SLIT2: variants seen among roughly 807,000 people sequenced by gnomAD.
SLIT2 encodes the protein slit guidance ligand 2.
Under a neutral mutation model 185.7 loss-of-function variants are expected in SLIT2, and 41 were observed. That is an observed-to-expected ratio of 0.22 (90% CI 0.17 to 0.29). The LOEUF (loss-of-function observed/expected upper bound fraction) is 0.29. Among genes scored for constraint, SLIT2 ranks in the 10% least tolerant of loss-of-function variants. The probability of loss-of-function intolerance (pLI) is 1.00; values close to 1 mark genes in which losing one functional copy is unlikely to be tolerated. For missense variants in SLIT2, 1,571 were observed against 1,909.0 expected (o/e 0.82, Z 3.30); for synonymous variants, 693 against 680.2 (o/e 1.02, Z -0.29).
At chr4:20,578,174 G>T (rs932552189) in intron 29 of SLIT2, among the ~76,000 whole-genome samples, 12 of 152,100 alleles carry the variant, frequency 7.9e-5, no homozygotes, top group African/African-American at 2.9e-4. Context: ...TCAAATAAGT[G>T]CTATCTTTCC....
chr4:20,377,515 A>G lies in SLIT2; in HGVS notation c.396-90237A>G, dbSNP rs75822040. Reference sequence around the variant, plus strand: ...GTAGGGATCCATAGAAGACAAATAAAGAGCTGCTCATACTCCATTTCGAAT... The same window carrying G: ...GTAGGGATCCATAGAAGACAAATAAGGAGCTGCTCATACTCCATTTCGAAT... On this transcript the variant is annotated intron_variant, in intron 4 of 36. Coordinates refer to ENST00000504154, the MANE Select transcript of SLIT2 (RefSeq NM_004787.4). 9.3e-4 allele frequency among the ~76,000 whole-genome samples: 141 copies of G among 152,290 alleles called. 1 individual carries two copies. Among genetic ancestry groups the G allele is most frequent in the African/African-American group, 3.2e-3 (131 of 41,566 alleles).
At chr4:20,548,040 A>C (rs1723409484) in intron 22 of SLIT2, among the ~76,000 whole-genome samples, 2 of 152,082 alleles carry the variant, frequency 1.3e-5, no homozygotes, top group Admixed American at 1.3e-4. Flanking sequence ...TGTATCAATG[A>C]GGGTAAAGTA....
chr4:20,420,981 T>C (rs530854436), intron 4 of SLIT2, among the ~76,000 whole-genome samples: 31 of 152,286 alleles, frequency 2.0e-4, no homozygotes, highest in Non-Finnish European at 4.1e-4. Context: ...AATAAATTTC[T>C]GTTCTTAAAG....
At chr4:20,417,575 G>A in intron 4 of SLIT2, among the ~76,000 whole-genome samples, 1 of 151,434 alleles carries the variant, frequency 6.6e-6, no homozygotes, top group Admixed American at 6.6e-5. Context: ...AGGCTGGAGT[G>A]CAGTGGTGCG....
At chr4:20,449,349 A>T (rs1485400108) in intron 4 of SLIT2, among the ~76,000 whole-genome samples, 1 of 152,166 alleles carries the variant, frequency 6.6e-6, no homozygotes, top group South Asian at 2.1e-4. Context: ...GAGACAATGT[A>T]TTGGTTTTGT....
chr4:20,556,639 G>A (rs926908692), intron 26 of SLIT2, among the ~76,000 whole-genome samples: 1 of 151,770 alleles, frequency 6.6e-6, no homozygotes, highest in African/African-American at 2.4e-5. Context: ...ACTGAAATTA[G>A]GCCAGACATA....
At chr4:20,356,271 C>A (rs1385027843) in intron 4 of SLIT2, among the ~76,000 whole-genome samples, 2 of 152,118 alleles carry the variant, frequency 1.3e-5, no homozygotes, top group African/African-American at 4.8e-5. Flanking sequence ...CTGTATGTAA[C>A]CACCTTCTAC....
chr4:20,581,288 C>G (rs1182594583), intron 29 of SLIT2, among the ~76,000 whole-genome samples: 1 of 152,112 alleles, frequency 6.6e-6, no homozygotes, highest in Non-Finnish European at 1.5e-5. Flanking sequence ...TAACACAAGC[C>G]ATATTGGATT....
intron 4 of SLIT2, among the ~76,000 whole-genome samples, chr4:20,343,176 A>G (rs1721105065): frequency 6.6e-6 from 1 of 151,956 alleles, no homozygotes; most frequent in South Asian, 2.1e-4. Flanking sequence ...ATCTAATTGT[A>G]TGTTTGTACC....
At chr4:20,513,895 G>A (rs1443803620) in intron 11 of SLIT2, among the ~76,000 whole-genome samples, 3 of 152,186 alleles carry the variant, frequency 2.0e-5, no homozygotes, top group Non-Finnish European at 1.5e-5. Flanking sequence ...GAGTATGCTA[G>A]ATGTTTCAAG....
chr4:20,596,291 T>G, intron 31 of SLIT2, 124 bp from the exon 32 acceptor site: 2 of 921,372 alleles, frequency 2.2e-6, no homozygotes, highest in Non-Finnish European at 3.3e-6. Context: ...TTAAGAATAC[T>G]TGAAAACTGG....
At chr4:20,263,815 T>C (rs183448545) in intron 3 of SLIT2, among the ~76,000 whole-genome samples, 2 of 152,010 alleles carry the variant, frequency 1.3e-5, no homozygotes, top group Admixed American at 1.3e-4. Flanking sequence ...TAAATAACTA[T>C]TATTCTGCAT....
rs1724016333 is a variant in SLIT2 at position 20,553,983 on chromosome 4, C to T, written c.2725+15C>T. The T allele has an allele frequency of 6.4e-7, 1 of 1,560,348 alleles. No homozygotes were observed. The highest frequency in any genetic ancestry group is 8.6e-7 in the Non-Finnish European group (1 of 1,156,998). On this transcript the variant is annotated intron_variant, in intron 26 of 36. Coordinates refer to ENST00000504154, the MANE Select transcript of SLIT2 (RefSeq NM_004787.4). The stretch of plus-strand genomic sequence containing the variant: ...TACCTGTCAAGGTATGGTTTTTAAT[C>T]ATTTGTATTTCTTTTAAGAATTACT...
chr4:20,505,620 A>T (rs377368587), intron 9 of SLIT2, among the ~76,000 whole-genome samples: 2 of 152,154 alleles, frequency 1.3e-5, no homozygotes, highest in South Asian at 4.1e-4. Flanking sequence ...CTACTTATGT[A>T]AGATCTGCTC....
chr4:20,416,044 G>A (rs905508877), intron 4 of SLIT2, among the ~76,000 whole-genome samples: 1 of 152,030 alleles, frequency 6.6e-6, no homozygotes, highest in African/African-American at 2.4e-5. Context: ...TTTATTTCCT[G>A]TACTCTATAG....
chr4:20,598,471 T>G, intron 33 of SLIT2, 76 bp downstream of exon 33: 2 of 1,533,874 alleles, frequency 1.3e-6, no homozygotes, highest in Non-Finnish European at 1.8e-6. Flanking sequence ...ATCATTTTAT[T>G]ATGGAGAGGA....
intron 10 of SLIT2, 70 bp from the exon 11 acceptor site, chr4:20,510,996 C>CA: frequency 7.3e-6 from 7 of 955,314 alleles, no homozygotes; most frequent in Non-Finnish European, 1.2e-5. Context: ...AAAAGCCATA[C>CA]ATAGCTTTTT....
intron 4 of SLIT2, among the ~76,000 whole-genome samples, chr4:20,283,056 A>G (rs1714926556): frequency 6.6e-6 from 1 of 151,998 alleles, no homozygotes; most frequent in East Asian, 1.9e-4. Flanking sequence ...TTAACTTAGC[A>G]CCACTATTTG....
chr4:20,523,953 A>C lies in SLIT2; in HGVS notation c.1274+50A>C, dbSNP rs1284927585. The C allele has an allele frequency of 2.5e-6, 4 of 1,611,994 alleles. No individual in the cohort carries two copies. The African/African-American group carries it at 5.3e-5, about 22-fold the overall frequency. ...TTTTGATGACATTGTTTCCTCTCTG[A>C]ATGTAAGAGCTGAGTCCATTGCAAG... On this transcript the variant is annotated intron_variant, in intron 13 of 36. Transcript: ENST00000504154.
Sources: allele counts gnomAD v4.1 joint callset (sites outside exome capture counted in the v4.1 genomes callset), GRCh38; gene constraint gnomAD v4.1.1; transcripts MANE v1.5; gene names NCBI Gene and HGNC (gene_info 2026-07-23, HGNC 2026-07-21).